ARRB1: variants seen among roughly 807,000 people sequenced by gnomAD.
The protein encoded by ARRB1 is beta-arrestin-1.
In ARRB1, 21 loss-of-function variants were observed where a neutral mutation model predicts 56.8. The ratio of observed to expected loss-of-function variants is 0.37; its 90% CI spans 0.26 to 0.53. ARRB1 has a LOEUF of 0.53. Among genes scored for constraint, ARRB1 ranks in the 20% least tolerant of loss-of-function variants. ARRB1 has a pLI of 0.88. For missense variants in ARRB1, 424 were observed against 553.7 expected, an observed-to-expected ratio of 0.77 and a Z score of 2.35; for synonymous variants, 210 against 218.6, an observed-to-expected ratio of 0.96 and a Z score of 0.35.
chr11:75,267,739 T>C, intron 14 of ARRB1, 36 bp from the exon 15 acceptor site: 2 of 1,591,676 alleles, frequency 1.3e-6, no homozygotes, highest in Non-Finnish European at 1.7e-6. Context: ...TGTCCAGGGA[T>C]TAGTGAGTGG....
At chr11:75,282,138 A>G (rs526013) in intron 5 of ARRB1, 117 bp from the exon 6 acceptor site, 276,364 of 1,012,810 alleles carry the variant, frequency 0.27, 38,994 homozygotes, top group East Asian at 0.32. Flanking sequence ...GGGACAGGCC[A>G]TGTCTATCCC....
chr11:75,287,472 C>A, intron 2 of ARRB1, 97 bp from the exon 3 acceptor site: 1 of 1,247,114 alleles, frequency 8.0e-7, no homozygotes, highest in Non-Finnish European at 1.1e-6. Flanking sequence ...TCTGAAACTC[C>A]AGACCCATCC....
In ARRB1 at chr11:75,324,344, G is replaced by A. The variant is rs73490798; in HGVS notation, c.20+27244C>T. Among the ~76,000 whole-genome samples, 213 of 152,288 alleles carry A rather than the reference G, an allele frequency of 1.4e-3. 1 individual carries two copies. The highest frequency in any genetic ancestry group is 5.0e-3 in the African/African-American group (209 of 41,566). Reference sequence around the variant, plus strand: ...GCCTAGCACACAGCAGGCTGGCTGAGCACTTCCTGGTGAATGAATGAATGA... The same window carrying A: ...GCCTAGCACACAGCAGGCTGGCTGAACACTTCCTGGTGAATGAATGAATGA... On this transcript the variant is annotated intron_variant, in intron 1 of 15. Transcript: ENST00000420843.
intron 1 of ARRB1, among the ~76,000 whole-genome samples, chr11:75,314,635 T>G (rs1375544087): frequency 1.3e-5 from 2 of 152,006 alleles, no homozygotes; most frequent in Non-Finnish European, 2.9e-5. Flanking sequence ...AAAAAAAACT[T>G]TGTTGCCCAG....
intron 1 of ARRB1, among the ~76,000 whole-genome samples, chr11:75,327,096 C>T (rs1293156315): frequency 2.6e-5 from 4 of 151,770 alleles, no homozygotes; most frequent in African/African-American, 4.8e-5. Context: ...GGGCGGGTCA[C>T]GAGGTCAGGA....
chr11:75,270,891 C>G (rs991339381), intron 13 of ARRB1: 1 of 152,106 alleles, frequency 6.6e-6, no homozygotes, highest in African/African-American at 2.4e-5. Context: ...ATAAGGCTGT[C>G]AGAGCTATTT....
chr11:75,341,952 T>G (rs900911348), intron 1 of ARRB1, among the ~76,000 whole-genome samples: 2 of 152,124 alleles, frequency 1.3e-5, no homozygotes, highest in Non-Finnish European at 2.9e-5. Context: ...CCCGCCAGAA[T>G]CACACTGCTG....
At position 75,306,777 on chromosome 11, in the gene ARRB1, C is replaced by A. The variant is rs1045941269; in HGVS notation, c.21-16738G>T. 3.4e-6 allele frequency: 3 copies of A among 871,634 alleles called. No individual in the cohort carries two copies. The East Asian group carries it at 1.9e-4, about 55-fold the overall frequency. The allele number at this position is 871,634 out of a possible 1,614,324, so 54.0% of individuals were successfully genotyped here. On this transcript the variant is annotated intron_variant, in intron 1 of 15. Coordinates refer to ENST00000420843, the MANE Select transcript of ARRB1 (RefSeq NM_004041.5). ...GTTCCTGATACGCGTCCTGTTTCCT[C>A]TCCTCCTCCGGGCTTCTCGGGCCAT...
At chr11:75,350,714 G>A (rs1947835477) in intron 1 of ARRB1, among the ~76,000 whole-genome samples, 1 of 152,244 alleles carries the variant, frequency 6.6e-6, no homozygotes, top group Admixed American at 6.5e-5. Context: ...TCCTCAGGAG[G>A]TCAGAGGGAA....
At chr11:75,289,981 G>A (rs200520809) in intron 2 of ARRB1, 28 bp downstream of exon 2, 1 of 1,614,128 alleles carries the variant, frequency 6.2e-7, no homozygotes, top group Non-Finnish European at 8.5e-7. Flanking sequence ...GGTCAGGGAG[G>A]CGCTGGGCGC....
At chr11:75,343,781 G>A (rs1173042597) in intron 1 of ARRB1, among the ~76,000 whole-genome samples, 3 of 152,086 alleles carry the variant, frequency 2.0e-5, no homozygotes, top group Non-Finnish European at 4.4e-5. Flanking sequence ...AGCAGAGAAG[G>A]CTTCCTGGAG....
At chr11:75,289,984 C>T in intron 2 of ARRB1, 25 bp downstream of exon 2, 1 of 1,614,134 alleles carries the variant, frequency 6.2e-7, no homozygotes, top group Non-Finnish European at 8.5e-7. Flanking sequence ...CAGGGAGGCG[C>T]TGGGCGCAGC....
At chr11:75,284,662 G>A (rs1946431304) in intron 3 of ARRB1, among the ~76,000 whole-genome samples, 2 of 152,172 alleles carry the variant, frequency 1.3e-5, no homozygotes, top group African/African-American at 4.8e-5. Context: ...CCAACACTTT[G>A]GGAGGCTGAG....
intron 1 of ARRB1, among the ~76,000 whole-genome samples, chr11:75,299,116 G>T (rs1021431776): frequency 4.6e-5 from 7 of 151,746 alleles, no homozygotes; most frequent in Admixed American, 2.6e-4. Flanking sequence ...AGTTCTTTGG[G>T]AGGTGATGAA....
At position 75,263,828 on chromosome 11, in the gene ARRB1, A is replaced by T. The variant is rs185091258; in HGVS notation, c.*2335T>A. ...ACACTGGGCTAAACCCAAAAGGGTG[A>T]GCGTGATGTTGAGGTGCAGGAGGCT... On this transcript the variant is annotated 3_prime_UTR_variant, in exon 16 of 16. Transcript: ENST00000420843. Among the ~76,000 whole-genome samples, 1 of 152,208 alleles carries T rather than the reference A, an allele frequency of 6.6e-6. No individual in the cohort carries two copies. The highest frequency in any genetic ancestry group is 6.5e-5 in the Admixed American group (1 of 15,300).
intron 10 of ARRB1, 159 bp from the exon 11 acceptor site, chr11:75,274,370 G>A (rs559234617): frequency 2.6e-5 from 24 of 909,880 alleles, no homozygotes; most frequent in African/African-American, 2.5e-4. Context: ...AGCCCAGCTC[G>A]GGCAAGGAGA....
At chr11:75,331,480 G>A (rs570233729) in intron 1 of ARRB1, among the ~76,000 whole-genome samples, 2 of 152,224 alleles carry the variant, frequency 1.3e-5, no homozygotes, top group African/African-American at 4.8e-5. Context: ...ACTGAAGAAT[G>A]ACAAAAGAAG....
chr11:75,285,140 G>A (rs1180756528), intron 3 of ARRB1, among the ~76,000 whole-genome samples: 1 of 152,222 alleles, frequency 6.6e-6, no homozygotes, highest in Non-Finnish European at 1.5e-5. Context: ...TTCAGAGCTT[G>A]GGCTTGGCAC....
chr11:75,318,459 G>T (rs924662593), intron 1 of ARRB1, among the ~76,000 whole-genome samples: 1 of 152,222 alleles, frequency 6.6e-6, no homozygotes, highest in African/African-American at 2.4e-5. Flanking sequence ...GGAGGCCGAG[G>T]TGGGCGGGGC....
Sources: gnomAD v4.1 joint callset for allele counts (sites outside exome capture counted in the v4.1 genomes callset) on GRCh38, gnomAD v4.1.1 for gene constraint, MANE v1.5 for transcripts, NCBI Gene and HGNC (gene_info 2026-07-23, HGNC 2026-07-21) for gene names.